Variants in ENKUR observed in about 807,000 individuals in gnomAD.
ENKUR encodes the protein enkurin, TRPC channel interacting protein, also known as enkurin.
ENKUR carries 19 observed loss-of-function variants against 27.6 expected under a neutral mutation model. That is an observed-to-expected ratio of 0.69 (90% CI 0.48 to 1.01). The LOEUF (loss-of-function observed/expected upper bound fraction) is 1.01, where lower values mean the gene tolerates loss of function less well. Ranked by LOEUF, ENKUR falls within the 50% of genes least tolerant of loss-of-function variation. The pLI is 0.00. For missense variants in ENKUR, 312 were observed against 310.5 expected (o/e 1.00, Z -0.04); for synonymous variants, 117 against 96.9 (o/e 1.21, Z -1.22).
At chr10:25,017,075 C>T (rs1357628634), upstream of ENKUR, among the ~76,000 whole-genome samples, 2 of 152,168 alleles carry the variant, frequency 1.3e-5, no homozygotes, top group African/African-American at 4.8e-5. Flanking sequence ...GTCGGCTCTG[C>T]GCCTGCTCTT....
At chr10:25,050,475 G>T (rs1474402580) in intron 2 of ENKUR, among the ~76,000 whole-genome samples, 1 of 152,130 alleles carries the variant, frequency 6.6e-6, no homozygotes, top group Non-Finnish European at 1.5e-5. Flanking sequence ...CAGGGGAACT[G>T]CCCTTTATAA....
chr10:25,054,196 G>A (rs759095444), intron 2 of ENKUR, among the ~76,000 whole-genome samples: 2 of 152,164 alleles, frequency 1.3e-5, no homozygotes, highest in South Asian at 2.1e-4. Flanking sequence ...TGAGGTGGGC[G>A]GATCACTTGA....
At chr10:24,994,525 G>A (rs986041546) in intron 3 of ENKUR, among the ~76,000 whole-genome samples, 1 of 151,420 alleles carries the variant, frequency 6.6e-6, no homozygotes, top group Non-Finnish European at 1.5e-5. Flanking sequence ...GTAGAGATGG[G>A]GTGTCACCAT....
At chr10:25,018,315 C>CA (rs1279698144), upstream of ENKUR, among the ~76,000 whole-genome samples, 5 of 152,092 alleles carry the variant, frequency 3.3e-5, no homozygotes, top group Admixed American at 3.3e-4. Flanking sequence ...AATGACACTT[C>CA]AAAAAAATGC....
Position 25,053,588 on chromosome 10 carries a change from G to C in ENKUR, c.37+7524C>G, listed in dbSNP as rs1029807202. Among the ~76,000 whole-genome samples the C allele has an allele frequency of 3.3e-5, 5 of 152,226 alleles. No individual in the cohort carries two copies. In the East Asian group the frequency reaches 9.6e-4, roughly 29 times the overall value. On this transcript the variant is annotated intron_variant, in intron 2 of 5. Transcript: ENST00000615958. ...CTATTATAAATAGTTAGATGCAGCA[G>C]CTAGCTCAATGAAAGTAGGTGACTT...
chr10:25,056,353 T>C (rs1447030844), intron 2 of ENKUR, among the ~76,000 whole-genome samples: 12 of 152,174 alleles, frequency 7.9e-5, no homozygotes. Flanking sequence ...CAGAATCAAT[T>C]CCAATGCAGG....
At chr10:25,003,177 A>ATTTATTT (rs1564340716) in intron 1 of ENKUR, among the ~76,000 whole-genome samples, 5 of 145,164 alleles carry the variant, frequency 3.4e-5, no homozygotes, top group African/African-American at 9.9e-5. Flanking sequence ...TTAATTAATT[A>ATTTATTT]ATTAATTTAT....
intron 2 of ENKUR, among the ~76,000 whole-genome samples, chr10:25,046,391 G>T (rs1460101116): frequency 6.6e-6 from 1 of 152,118 alleles, no homozygotes; most frequent in African/African-American, 2.4e-5. Context: ...ATTTTCTCCT[G>T]GGGGTAGTAA....
intron 2 of ENKUR, among the ~76,000 whole-genome samples, chr10:25,047,774 T>C (rs1299693691): frequency 6.6e-6 from 1 of 152,226 alleles, no homozygotes; most frequent in Non-Finnish European, 1.5e-5. Context: ...TTATAGTCTT[T>C]TTTAGCACCT....
chr10:25,034,066 C>T (rs1440010282), intron 2 of ENKUR, among the ~76,000 whole-genome samples: 1 of 151,872 alleles, frequency 6.6e-6, no homozygotes, highest in African/African-American at 2.4e-5. Context: ...ACATCAGTCA[C>T]AACCATAGGT....
intron 1 of ENKUR, among the ~76,000 whole-genome samples, chr10:25,005,257 T>A (rs1850285811): frequency 6.6e-6 from 1 of 152,202 alleles, no homozygotes; most frequent in African/African-American, 2.4e-5. Flanking sequence ...AAAGATAAGT[T>A]ATTCTCAAAC....
chr10:25,034,014 AAG>A (rs1262213236), intron 2 of ENKUR, among the ~76,000 whole-genome samples: 1 of 151,964 alleles, frequency 6.6e-6, no homozygotes, highest in Non-Finnish European at 1.5e-5. Flanking sequence ...TTTAGGAAAA[AAG>A]GAAAATACCA....
At chr10:24,991,945 T>G (rs528594871) in intron 3 of ENKUR, among the ~76,000 whole-genome samples, 105 of 152,294 alleles carry the variant, frequency 6.9e-4, no homozygotes, top group South Asian at 1.9e-3. Context: ...CCCTTCGGCA[T>G]GCTCCCCCTA....
intron 2 of ENKUR, among the ~76,000 whole-genome samples, chr10:25,045,497 T>C (rs1219400898): frequency 1.3e-5 from 2 of 152,180 alleles, no homozygotes; most frequent in African/African-American, 4.8e-5. Flanking sequence ...GCTCCAAATA[T>C]ACATGAAATA....
In ENKUR at chr10:24,982,142, T is replaced by A. The variant is rs1849681114; in HGVS notation, c.*2228A>T. ...CATGGAAAACAGGCAAATAACCAGATATGCACAATACAATATGACCAGTGC... is the reference window on the plus strand; with the variant it reads ...CATGGAAAACAGGCAAATAACCAGAAATGCACAATACAATATGACCAGTGC... On this transcript the variant is annotated 3_prime_UTR_variant, in exon 6 of 6. Transcript: ENST00000331161. 6.6e-6 allele frequency: 1 copy of A among 152,192 alleles called. No individual in the cohort carries two copies. Among genetic ancestry groups the A allele is most frequent in the Non-Finnish European group, 1.5e-5 (1 of 68,054 alleles). 9.4% of individuals were successfully genotyped at this position (152,192 alleles called of 1,614,324 possible).
Position 25,025,520 on chromosome 10 carries a change from T to G in ENKUR, c.38-29651A>C, listed in dbSNP as rs115247015. ...GCAATAATAAATCTCAAACACTGAT[T>G]TGGAGTACAGTAGCATTTTGTCTTT... On this transcript the variant is annotated intron_variant, in intron 2 of 5. Coordinates refer to the ENKUR transcript ENST00000615958. The G allele has an allele frequency of 6.2e-4, 895 of 1,449,948 alleles. 7 individuals carry two copies. The African/African-American group carries it at 0.012, about 19-fold the overall frequency. 89.8% of individuals were successfully genotyped at this position (1,449,948 alleles called of 1,614,324 possible).
intron 2 of ENKUR, among the ~76,000 whole-genome samples, chr10:25,037,718 A>G (rs2130465867): frequency 6.6e-6 from 1 of 151,708 alleles, no homozygotes; most frequent in African/African-American, 2.4e-5. Flanking sequence ...CTCCTAGATG[A>G]CCTCCTAGAT....
intron 1 of ENKUR, among the ~76,000 whole-genome samples, chr10:25,015,188 C>A (rs1850538178): frequency 6.6e-6 from 1 of 152,186 alleles, no homozygotes; most frequent in Non-Finnish European, 1.5e-5. Flanking sequence ...GCTTCCTTTG[C>A]ACGTTTTTGA....
chr10:25,023,907 G>A (rs760008412), intron 2 of ENKUR: 75 of 1,614,050 alleles, frequency 4.6e-5, no homozygotes, highest in South Asian at 9.9e-5. Context: ...ATGTGGACTC[G>A]GAAACATTCA....
Sources: allele counts gnomAD v4.1 joint callset (sites outside exome capture counted in the v4.1 genomes callset), GRCh38; gene constraint gnomAD v4.1.1; transcripts MANE v1.5; gene names NCBI Gene and HGNC (gene_info 2026-07-23, HGNC 2026-07-21).